CALN1: variants seen among roughly 807,000 people sequenced by gnomAD.
The protein encoded by CALN1 is calcium-binding protein 8.
A neutral mutation model predicts 30.6 loss-of-function variants in CALN1; 17 were observed. The observed-to-expected ratio is 0.56, with a 90% CI of 0.38 to 0.83. The LOEUF is 0.83. Ranked by LOEUF, CALN1 falls within the 40% of genes least tolerant of loss-of-function variation. CALN1 has a pLI of 0.00. For synonymous variants in CALN1, 156 were observed against 131.4 expected (o/e 1.19, Z -1.28); for missense variants, 291 against 354.9 (o/e 0.82, Z 1.45).
At chr7:71,814,195 G>A (rs1788128270) in intron 5 of CALN1, among the ~76,000 whole-genome samples, 1 of 152,186 alleles carries the variant, frequency 6.6e-6, no homozygotes, top group Non-Finnish European at 1.5e-5. Flanking sequence ...ACTGCTCTGA[G>A]CCTCTGACCG....
intron 5 of CALN1, among the ~76,000 whole-genome samples, chr7:71,869,985 C>T (rs1791826993): frequency 6.6e-6 from 1 of 152,138 alleles, no homozygotes; most frequent in South Asian, 2.1e-4. Context: ...CACTGATTAG[C>T]ACATCGCAGG....
chr7:72,234,437 T>C (rs896295322), intron 3 of CALN1, among the ~76,000 whole-genome samples: 1 of 152,194 alleles, frequency 6.6e-6, no homozygotes, highest in Non-Finnish European at 1.5e-5. Flanking sequence ...TTGTCTTTTT[T>C]TGTTTTGTTT....
chr7:72,254,357 G>T (rs781155212), intron 3 of CALN1, among the ~76,000 whole-genome samples: 22 of 152,128 alleles, frequency 1.4e-4, no homozygotes, highest in Non-Finnish European at 2.8e-4. Flanking sequence ...GAACATGATT[G>T]TTTGAGTGTA....
At chr7:72,430,671 GC>G (rs1176492640) in intron 1 of CALN1, among the ~76,000 whole-genome samples, 3 of 152,122 alleles carry the variant, frequency 2.0e-5, no homozygotes, top group African/African-American at 7.2e-5. Flanking sequence ...ATGAAGGTGA[GC>G]CGAGCACCAA....
At chr7:72,317,478 G>C (rs1476839849) in intron 2 of CALN1, among the ~76,000 whole-genome samples, 1 of 152,200 alleles carries the variant, frequency 6.6e-6, no homozygotes, top group African/African-American at 2.4e-5. Context: ...TACCACAACT[G>C]TTCCCACAAC....
chr7:72,046,391 C>T lies in CALN1; in HGVS notation c.389-22622G>A, dbSNP rs555126166. On this transcript the variant is annotated intron_variant, in intron 4 of 6. Coordinates refer to ENST00000395275, the MANE Select transcript of CALN1 (RefSeq NM_031468.4). The stretch of plus-strand genomic sequence containing the variant: ...GAGTAGCTGAGACTACAGGCACACA[C>T]CACCATGCCTAATTCATTTTTTAAT... 9.2e-5 allele frequency among the ~76,000 whole-genome samples: 14 copies of T among 152,136 alleles called. No individual in the cohort carries two copies. In the East Asian group the frequency reaches 2.3e-3, roughly 25 times the overall value.
chr7:72,496,551 C>T, the CALN1 span, among the ~76,000 whole-genome samples: 8 of 152,198 alleles, frequency 5.3e-5, no homozygotes, highest in African/African-American at 1.9e-4. Flanking sequence ...TCTGAAAGCA[C>T]TCTTCAATTT....
chr7:72,372,501 G>A (rs1804305784), intron 2 of CALN1, among the ~76,000 whole-genome samples: 1 of 152,138 alleles, frequency 6.6e-6, no homozygotes, highest in African/African-American at 2.4e-5. Flanking sequence ...GGAAAAGTTT[G>A]CTAAAGTAAC....
intron 3 of CALN1, among the ~76,000 whole-genome samples, chr7:72,150,739 TCA>T (rs1336498209): frequency 2.6e-5 from 4 of 152,206 alleles, no homozygotes; most frequent in African/African-American, 4.8e-5. Flanking sequence ...TCTGTGTGTC[TCA>T]GTTTTTTCAT....
chr7:71,837,436 G>A (rs10226380), intron 5 of CALN1, among the ~76,000 whole-genome samples: 63,765 of 151,714 alleles, frequency 0.42, 13,669 homozygotes, highest in South Asian at 0.56. Flanking sequence ...TATAAGGGAA[G>A]AAAACCCTTC....
At chr7:71,791,664 C>A (rs1793395391) in intron 6 of CALN1, among the ~76,000 whole-genome samples, 1 of 152,112 alleles carries the variant, frequency 6.6e-6, no homozygotes, top group Non-Finnish European at 1.5e-5. Flanking sequence ...CACGAGTTTA[C>A]CTACAGAACA....
chr7:72,261,257 G>T (rs1195731962), intron 3 of CALN1, among the ~76,000 whole-genome samples: 1 of 152,050 alleles, frequency 6.6e-6, no homozygotes, highest in Non-Finnish European at 1.5e-5. Context: ...GCAGTAAGCG[G>T]AGATCACGCC....
intron 5 of CALN1, among the ~76,000 whole-genome samples, chr7:71,922,641 GAATA>G (rs1562903069): frequency 6.4e-5 from 8 of 124,534 alleles, no homozygotes; most frequent in African/African-American, 2.7e-4. Flanking sequence ...ATATATAACA[GAATA>G]TATTATATAT....
chr7:72,244,019 TC>T (rs1795005786), intron 3 of CALN1, among the ~76,000 whole-genome samples: 1 of 152,200 alleles, frequency 6.6e-6, no homozygotes, highest in Non-Finnish European at 1.5e-5. Flanking sequence ...AATTCTCCCA[TC>T]CTGCTGAATG....
chr7:72,009,840 A>G (rs1311789145), intron 5 of CALN1, among the ~76,000 whole-genome samples: 6 of 152,190 alleles, frequency 3.9e-5, no homozygotes, highest in Non-Finnish European at 8.8e-5. Context: ...CTCCCCAGCC[A>G]CGTGGAAACG....
chr7:72,284,828 T>C (rs977262291), intron 2 of CALN1, among the ~76,000 whole-genome samples: 1 of 152,122 alleles, frequency 6.6e-6, no homozygotes, highest in Non-Finnish European at 1.5e-5. Context: ...TAAGGATAGA[T>C]AGATAGATAG....
chr7:72,201,145 G>A (rs1245231152), intron 3 of CALN1, among the ~76,000 whole-genome samples: 1 of 152,154 alleles, frequency 6.6e-6, no homozygotes, highest in East Asian at 1.9e-4. Flanking sequence ...TGCAGCTGGA[G>A]GCCATTATCC....
At chr7:72,115,947 A>G (rs1341907755) in intron 3 of CALN1, among the ~76,000 whole-genome samples, 1 of 151,792 alleles carries the variant, frequency 6.6e-6, no homozygotes, top group Non-Finnish European at 1.5e-5. Flanking sequence ...TACTTATTTC[A>G]CTTAACATAA....
At chr7:72,234,516 G>A (rs1191385999) in intron 3 of CALN1, among the ~76,000 whole-genome samples, 4 of 151,968 alleles carry the variant, frequency 2.6e-5, no homozygotes, top group Non-Finnish European at 4.4e-5. Flanking sequence ...GCGCGATCTC[G>A]GCTCACTGCA....
Sources: gnomAD v4.1 joint callset for allele counts (sites outside exome capture counted in the v4.1 genomes callset) on GRCh38, gnomAD v4.1.1 for gene constraint, MANE v1.5 for transcripts, NCBI Gene and HGNC (gene_info 2026-07-23, HGNC 2026-07-21) for gene names.